Variants in ANGEL2 observed in about 807,000 individuals in gnomAD.
The protein encoded by ANGEL2 is angel homolog 2.
A neutral mutation model predicts 66.0 loss-of-function variants in ANGEL2; 41 were observed. The ratio of observed to expected loss-of-function variants is 0.62; its 90% CI spans 0.48 to 0.81. The LOEUF (loss-of-function observed/expected upper bound fraction) is 0.81, where lower values mean the gene tolerates loss of function less well. ANGEL2 is among the 30% of genes least tolerant of loss of function. The pLI is 0.00. For synonymous variants in ANGEL2, 208 were observed against 226.5 expected, an observed-to-expected ratio of 0.92 and a Z score of 0.73; for missense variants, 561 against 641.6, an observed-to-expected ratio of 0.87 and a Z score of 1.36.
chr1:213,004,608 G>A (rs1443829354), intron 5 of ANGEL2, among the ~76,000 whole-genome samples: 2 of 151,870 alleles, frequency 1.3e-5, no homozygotes, highest in Admixed American at 6.6e-5. Flanking sequence ...AGTGGCTCAC[G>A]CCTGTAATCC....
intron 4 of ANGEL2, 42 bp from the exon 5 acceptor site, chr1:213,005,496 T>C (rs370961589): frequency 8.5e-5 from 129 of 1,512,044 alleles, no homozygotes; most frequent in South Asian, 9.2e-5. Flanking sequence ...ACTGCTTTTA[T>C]ATATTTATCA....
intron 7 of ANGEL2, 102 bp from the exon 8 acceptor site, chr1:212,997,420 A>G (rs1050900167): frequency 2.1e-6 from 2 of 958,932 alleles, no homozygotes; most frequent in Middle Eastern, 3.2e-4. Context: ...CTAAGACCAA[A>G]CATTAGGACA....
intron 3 of ANGEL2, 91 bp downstream of exon 3, chr1:213,008,119 C>T: frequency 4.9e-6 from 7 of 1,418,594 alleles, no homozygotes; most frequent in Non-Finnish European, 6.7e-6. Flanking sequence ...CTGCCTCAGC[C>T]TCCCAAAGTG....
chr1:212,997,869 G>C (rs1342140744), intron 7 of ANGEL2, among the ~76,000 whole-genome samples: 1 of 151,890 alleles, frequency 6.6e-6, no homozygotes, highest in Non-Finnish European at 1.5e-5. Context: ...TGAATCTTAA[G>C]GATCTTTTAT....
Position 213,013,347 on chromosome 1 carries a change from C to A in ANGEL2, c.131G>T (p.Arg44Met). Residue 44 changes from arginine to methionine, a missense_variant, in exon 2 of 9, where the codon AGG (arginine) becomes ATG (methionine). By Grantham distance (91) the Arg-to-Met change is moderately conservative (BLOSUM62 -1). Coordinates refer to ENST00000366962, the MANE Select transcript of ANGEL2 (RefSeq NM_144567.5). ...AGAAATATGTCTGTTCCAGCAACACCTTTGCAGATTCTCCCACGGTGTAGT... is the reference window on the plus strand; with the variant it reads ...AGAAATATGTCTGTTCCAGCAACACATTTGCAGATTCTCCCACGGTGTAGT... ...DWTTPWENLQ[R>M]CCWNRHISSC... The A allele has an allele frequency of 1.9e-6, 3 of 1,614,180 alleles. No homozygotes were observed. Among genetic ancestry groups the A allele is most frequent in the Non-Finnish European group, 2.5e-6 (3 of 1,180,016 alleles).
At chr1:213,015,514 A>AGG in intron 1 of ANGEL2, 99 bp downstream of exon 1, 1 of 1,407,646 alleles carries the variant, frequency 7.1e-7, no homozygotes. Context: ...TTCCACCCCT[A>AGG]GCCCGCCCCG....
intron 1 of ANGEL2, chr1:213,015,224 A>C: frequency 1.2e-5 from 13 of 1,058,222 alleles, no homozygotes; most frequent in African/African-American, 1.7e-5. Flanking sequence ...GCCGAGACCT[A>C]CTGCGGAGAG....
At chr1:213,006,958 G>C in intron 4 of ANGEL2, 171 bp downstream of exon 4, 1 of 506,244 alleles carries the variant, frequency 2.0e-6, no homozygotes, top group South Asian at 3.5e-5. Context: ...GCCGGGCATG[G>C]TGGCACACAT....
rs774620313 is a variant in ANGEL2, at chr1:212,995,094, T to C, written c.1582A>G (p.Asn528Asp). The C allele has an allele frequency of 1.2e-6, 2 of 1,612,800 alleles. No homozygotes were observed. The highest frequency in any genetic ancestry group is 1.7e-6 in the Non-Finnish European group (2 of 1,179,264). Reference sequence around the variant, plus strand: ...AAAGGCAGATGATCTGAAGAGTTATTTTCGTTTGGAAGTCCATTAACAGTC... The same window carrying C: ...AAAGGCAGATGATCTGAAGAGTTATCTTCGTTTGGAAGTCCATTAACAGTC... ...LWTVNGLPNE[N>D]NSSDHLPLLA... The change falls in exon 9 of 9, where the codon AAT (asparagine) becomes GAT (aspartate). Residue 528 changes from asparagine (N) to aspartate (D), a missense_variant. Transcript: ENST00000366962.
At chr1:213,008,908 C>T (rs58482452) in intron 2 of ANGEL2, among the ~76,000 whole-genome samples, 5,475 of 152,224 alleles carry the variant, frequency 0.036, 145 homozygotes, top group Middle Eastern at 0.054. Context: ...GGGATAAGAT[C>T]GTCAAATGAT....
rs377289803 is a variant in ANGEL2, at chr1:212,993,036, G to C, written c.*2005C>G. On this transcript the variant is annotated 3_prime_UTR_variant, in exon 9 of 9. Coordinates refer to ENST00000366962, the MANE Select transcript of ANGEL2 (RefSeq NM_144567.5). ...AAAATCCCCCCAAAGGCCAGGCATG[G>C]TGGCTCATGCCTGTAATCACAGCAC... 7.2e-5 allele frequency: 11 copies of C among 152,186 alleles called. No individual in the cohort carries two copies. Among genetic ancestry groups the C allele is most frequent in the Admixed American group, 7.2e-4 (11 of 15,282 alleles). The allele number at this position is 152,186 out of a possible 1,614,324, so 9.4% of individuals were successfully genotyped here. A position where few individuals can be genotyped will look rare whatever the true frequency, so the allele number is the denominator to read the frequency against.
chr1:212,996,230 C>T (rs1189324389), intron 8 of ANGEL2, among the ~76,000 whole-genome samples: 3 of 152,168 alleles, frequency 2.0e-5, no homozygotes, highest in Non-Finnish European at 4.4e-5. Flanking sequence ...TGGTGTGAAC[C>T]TGGGAGGCGG....
chr1:212,996,133 C>T (rs2075991651), intron 8 of ANGEL2, among the ~76,000 whole-genome samples: 1 of 151,970 alleles, frequency 6.6e-6, no homozygotes, highest in South Asian at 2.1e-4. Context: ...CGGTGAAATC[C>T]CGTCTCTACT....
At chr1:213,013,044 A>C in intron 2 of ANGEL2, 49 bp downstream of exon 2, 1 of 1,543,682 alleles carries the variant, frequency 6.5e-7, no homozygotes, top group South Asian at 1.2e-5. Flanking sequence ...GTTTCAATTT[A>C]GTCTATCACT....
intron 8 of ANGEL2, among the ~76,000 whole-genome samples, chr1:212,996,599 G>C (rs1278247555): frequency 8.2e-6 from 1 of 121,870 alleles, no homozygotes; most frequent in Non-Finnish European, 1.6e-5. Context: ...CTCTAGCCTG[G>C]GTAACAGAGC....
rs2102677210 is a variant in ANGEL2 at position 212,993,043 on chromosome 1, A to C, written c.*1998T>G. 1 of 152,380 alleles carries C rather than the reference A, an allele frequency of 6.6e-6. No individual in the cohort carries two copies. Among genetic ancestry groups the C allele is most frequent in the South Asian group, 2.1e-4 (1 of 4,832 alleles). 9.4% of individuals were successfully genotyped at this position (152,380 alleles called of 1,614,324 possible). A position where few individuals can be genotyped will look rare whatever the true frequency, so the allele number is the denominator to read the frequency against. ...CCCCAAAGGCCAGGCATGGTGGCTC[A>C]TGCCTGTAATCACAGCACTTTGGGA... On this transcript the variant is annotated 3_prime_UTR_variant, in exon 9 of 9. Transcript: ENST00000366962.
intron 1 of ANGEL2, among the ~76,000 whole-genome samples, chr1:213,014,889 A>T (rs753961371): frequency 6.6e-6 from 1 of 152,248 alleles, no homozygotes; most frequent in Non-Finnish European, 1.5e-5. Context: ...TTCACAGAGT[A>T]CACAGTTAAA....
At chr1:213,002,262 G>C (rs561510198) in intron 5 of ANGEL2, 16 of 152,362 alleles carry the variant, frequency 1.1e-4, no homozygotes, top group African/African-American at 3.8e-4. Context: ...ATCTTCATCA[G>C]AGCTCTTGGG....
intron 5 of ANGEL2, among the ~76,000 whole-genome samples, chr1:213,002,469 GGTCAATGAAT>G (rs1206756529): frequency 2.0e-5 from 3 of 152,164 alleles, no homozygotes; most frequent in Admixed American, 2.0e-4. Context: ...TTTTCAGAAT[GGTCAATGAAT>G]GCTGACTTTA....
Sources: allele counts gnomAD v4.1 joint callset (sites outside exome capture counted in the v4.1 genomes callset), GRCh38; gene constraint gnomAD v4.1.1; transcripts MANE v1.5; gene names NCBI Gene and HGNC (gene_info 2026-07-23, HGNC 2026-07-21).